The following EMC3 variants were observed in gnomAD, a reference collection of about 807,000 sequenced individuals.
The protein encoded by EMC3 is 30 kDa protein.
EMC3 carries 13 observed loss-of-function variants against 36.6 expected under a neutral mutation model. The ratio of observed to expected loss-of-function variants is 0.35; its 90% CI spans 0.23 to 0.56. The LOEUF is 0.56. EMC3 is among the 20% of genes least tolerant of loss of function. The probability of loss-of-function intolerance (pLI) is 0.84; values close to 1 mark genes in which losing one functional copy is unlikely to be tolerated. For synonymous variants in EMC3, 120 were observed against 111.9 expected (o/e 1.07, Z -0.46); for missense variants, 220 against 324.5 (o/e 0.68, Z 2.47).
Position 9,963,202 on chromosome 3 carries a change from C to G in EMC3, c.*867G>C, listed in dbSNP as rs952849298. On this transcript the variant is annotated 3_prime_UTR_variant, in exon 8 of 8. Coordinates refer to ENST00000245046, the MANE Select transcript of EMC3 (RefSeq NM_001394674.1). ...AATAAGGTTTTGACATATTTGGTCT[C>G]TATGTCTATGTAGGCTCAAAATGAA... 17 of 152,170 alleles carry G rather than the reference C, an allele frequency of 1.1e-4. No homozygotes were observed. Among genetic ancestry groups the G allele is most frequent in the African/African-American group, 3.6e-4 (15 of 41,532 alleles). The allele number at this position is 152,170 out of a possible 1,614,324, so 9.4% of individuals were successfully genotyped here. A position where few individuals can be genotyped will look rare whatever the true frequency, so the allele number is the denominator to read the frequency against.
intron 1 of EMC3, among the ~76,000 whole-genome samples, chr3:9,977,732 A>G (rs549581772): frequency 1.3e-5 from 2 of 152,292 alleles, no homozygotes; most frequent in African/African-American, 2.4e-5. Context: ...TTCTTATTTG[A>G]TAATAAGCTA....
chr3:9,997,488 C>A (rs907843244), intron 1 of EMC3, among the ~76,000 whole-genome samples: 2 of 152,310 alleles, frequency 1.3e-5, no homozygotes, highest in African/African-American at 4.8e-5. Context: ...GAGACGGAGT[C>A]TCACTCTGGC....
intron 1 of EMC3, among the ~76,000 whole-genome samples, chr3:9,995,891 GTA>G (rs1328371797): frequency 1.3e-5 from 2 of 151,474 alleles, no homozygotes; most frequent in African/African-American, 4.8e-5. Context: ...GATTTGCTGT[GTA>G]AAATAGTGGA....
At chr3:9,976,882 C>T (rs1002261522) in intron 3 of EMC3, 75 bp downstream of exon 3, 2 of 1,026,244 alleles carry the variant, frequency 1.9e-6, no homozygotes, top group Admixed American at 2.3e-5. Context: ...ATGACACCCT[C>T]CCTGCCTACC....
intron 1 of EMC3, among the ~76,000 whole-genome samples, chr3:9,978,840 C>CA (rs2085878664): frequency 1.5e-5 from 2 of 132,312 alleles, no homozygotes; most frequent in African/African-American, 6.3e-5. Flanking sequence ...ACAACAACAA[C>CA]AAAAAACAAA....
At position 9,970,586 on chromosome 3, in the gene EMC3, A is replaced by C; in HGVS notation, c.570T>G (p.Asp190Glu). The C allele has an allele frequency of 6.2e-7, 1 of 1,614,170 alleles. No individual in the cohort carries two copies. Among genetic ancestry groups the C allele is most frequent in the Non-Finnish European group, 8.5e-7 (1 of 1,180,024 alleles). The change falls in exon 6 of 8, where the codon GAT becomes GAG. Residue 190 changes from aspartate (D) to glutamate (E), a missense_variant. Physicochemically the swap from Asp to Glu is conservative, Grantham distance 45 (BLOSUM62 2). Transcript: ENST00000245046. ...TAAACCTGACATGCTTCTTACCATT[A>C]TCTTGGCCCAGAATCAGAGAGTAAA... ...RSIYSLILGQ[D>E]NAADQSRMMQ... is the part of the protein sequence containing the mutation.
rs1432727401 is a variant in EMC3, at chr3:9,986,821, G to A, written c.-160C>T. ...TGAGCCGAGCTTACTGCCTTCAGCT[G>A]GGCTGCCTGGTCTTCCACTTCCGGC... On this transcript the variant is annotated 5_prime_UTR_variant, in exon 1 of 8. Transcript: ENST00000245046. 2.8e-6 allele frequency: 4 copies of A among 1,411,882 alleles called. No homozygotes were observed. The highest frequency in any genetic ancestry group is 1.6e-5 in the South Asian group (1 of 62,974). The allele number at this position is 1,411,882 out of a possible 1,614,324, so 87.5% of individuals were successfully genotyped here. A position where few individuals can be genotyped will look rare whatever the true frequency, so the allele number is the denominator to read the frequency against.
At chr3:10,002,606 A>G (rs991249835) in intron 1 of EMC3, 17 of 364,968 alleles carry the variant, frequency 4.7e-5, no homozygotes, top group African/African-American at 3.2e-4. Flanking sequence ...GCTTAAATAC[A>G]TAAAGACCCT....
At chr3:9,980,920 C>T (rs1484601567) in intron 1 of EMC3, among the ~76,000 whole-genome samples, 4 of 152,132 alleles carry the variant, frequency 2.6e-5, no homozygotes, top group Admixed American at 6.5e-5. Context: ...CACAGCCAGG[C>T]GTGGTGGCTC....
chr3:10,009,435 C>G lies in EMC3; in HGVS notation c.-242+1588G>C, dbSNP rs1041006632. 1.4e-4 allele frequency among the ~76,000 whole-genome samples: 22 copies of G among 152,142 alleles called. 1 individual carries two copies. Among genetic ancestry groups the G allele is most frequent in the African/African-American group, 2.4e-5 (1 of 41,414 alleles). Reference sequence around the variant, plus strand: ...AGGCGGGAGGAAAAGCAAACCCCACCAAACCAACACCTAGTCTAGAGCCTG... The same window carrying G: ...AGGCGGGAGGAAAAGCAAACCCCACGAAACCAACACCTAGTCTAGAGCCTG... On this transcript the variant is annotated intron_variant, in intron 1 of 8. Coordinates refer to the EMC3 transcript ENST00000470827.
At position 9,986,629 on chromosome 3, in the gene EMC3, G is replaced by A. The variant is rs770957116; in HGVS notation, c.33C>T (p.Asn11=). ...TGGGTAGGACCACCCAGAGGCGGAT[G>A]TTGGAGTCGAGCAACAGTTCTGGCC... is the stretch of plus-strand genomic sequence containing the variant. MAGPELLLDS[N]IRLWVVLPIV... Residue 11 remains asparagine (N), a synonymous_variant, in exon 1 of 8, where the codon AAC becomes AAT. Coordinates refer to ENST00000245046, the MANE Select transcript of EMC3 (RefSeq NM_001394674.1). 11 of 1,614,244 alleles carry A rather than the reference G, an allele frequency of 6.8e-6. No homozygotes were observed. In the Admixed American group the frequency reaches 1.7e-4, roughly 24 times the overall value.
intron 1 of EMC3, among the ~76,000 whole-genome samples, chr3:10,001,102 T>C (rs1406125011): frequency 6.6e-6 from 1 of 152,178 alleles, no homozygotes; most frequent in Non-Finnish European, 1.5e-5. Flanking sequence ...TTTTCTCTTA[T>C]TTTCTTAAAT....
At chr3:9,993,158 A>C in intron 1 of EMC3, 37 of 626,012 alleles carry the variant, frequency 5.9e-5, no homozygotes, top group Non-Finnish European at 6.1e-5. Flanking sequence ...TGTCTATCTC[A>C]ATGCAGTTTG....
At chr3:9,986,456 T>G (rs1435821054) in intron 1 of EMC3, 51 bp downstream of exon 1, 1 of 1,600,938 alleles carries the variant, frequency 6.2e-7, no homozygotes, top group South Asian at 1.1e-5. Context: ...TGCACTTTTT[T>G]GCCCAAGGTC....
intron 1 of EMC3, among the ~76,000 whole-genome samples, chr3:9,983,937 T>C (rs980629066): frequency 1.6e-4 from 25 of 152,168 alleles, no homozygotes; most frequent in Non-Finnish European, 3.5e-4. Flanking sequence ...CTCCCTGGAA[T>C]TGTAAAAATG....
chr3:9,965,184 A>T (rs955522861), intron 7 of EMC3, among the ~76,000 whole-genome samples: 2 of 151,732 alleles, frequency 1.3e-5, no homozygotes, highest in African/African-American at 4.8e-5. Flanking sequence ...AGGCAGGAGG[A>T]TCACTTGAGG....
At chr3:9,969,691 T>A (rs778728639) in intron 7 of EMC3, 28 bp downstream of exon 7, 1 of 1,614,172 alleles carries the variant, frequency 6.2e-7, no homozygotes, top group Admixed American at 1.7e-5. Flanking sequence ...AGAGCATTGC[T>A]GCAGCTTTGA....
intron 3 of EMC3, among the ~76,000 whole-genome samples, chr3:9,975,169 T>C (rs2085833773): frequency 6.6e-6 from 1 of 152,276 alleles, no homozygotes; most frequent in South Asian, 2.1e-4. Context: ...CCAGTCTCAA[T>C]ATTTTTAATG....
rs2085707152 is a variant in EMC3 at position 9,963,468 on chromosome 3, TA to T, written c.*600del. The stretch of plus-strand genomic sequence containing the variant: ...CTGCTAAGATAGATATATATATATA[TA>T]TATATATATTTTTTTTTTTTTTTCA... On this transcript the variant is annotated 3_prime_UTR_variant, in exon 8 of 8. Transcript: ENST00000245046. The T allele has an allele frequency of 9.1e-6, 1 of 110,222 alleles. No individual in the cohort carries two copies. The highest frequency in any genetic ancestry group is 3.4e-5 in the African/African-American group (1 of 29,032). 6.8% of individuals were successfully genotyped at this position (110,222 alleles called of 1,614,324 possible). A position where few individuals can be genotyped will look rare whatever the true frequency, so the allele number is the denominator to read the frequency against.
Sources: gnomAD v4.1 joint callset for allele counts (sites outside exome capture counted in the v4.1 genomes callset) on GRCh38, gnomAD v4.1.1 for gene constraint, MANE v1.5 for transcripts, NCBI Gene and HGNC (gene_info 2026-07-23, HGNC 2026-07-21) for gene names.